FAM76A: variants seen among roughly 807,000 people sequenced by gnomAD.
The protein encoded by FAM76A is protein FAM76A.
In FAM76A, 32 loss-of-function variants were observed where a neutral mutation model predicts 46.2. The observed-to-expected ratio is 0.69, with a 90% CI of 0.52 to 0.93. The LOEUF (loss-of-function observed/expected upper bound fraction) is 0.93, where lower values mean the gene tolerates loss of function less well. FAM76A is among the 40% of genes least tolerant of loss of function. The pLI is 0.00. For synonymous variants in FAM76A, 137 were observed against 127.0 expected (o/e 1.08, Z -0.53); for missense variants, 274 against 361.5 (o/e 0.76, Z 1.96).
intron 4 of FAM76A, among the ~76,000 whole-genome samples, chr1:27,736,472 G>C (rs2088047688): frequency 6.6e-6 from 1 of 152,222 alleles, no homozygotes; most frequent in Admixed American, 6.5e-5. Context: ...AGATCTTAGT[G>C]CTGTTACAAA....
chr1:27,736,734 C>T (rs2088051934), intron 4 of FAM76A, among the ~76,000 whole-genome samples: 2 of 150,712 alleles, frequency 1.3e-5, no homozygotes, highest in Admixed American at 6.6e-5. Flanking sequence ...ATTACAGGTG[C>T]ACGCCACCAC....
At chr1:27,733,754 C>T (rs1168139255) in intron 3 of FAM76A, among the ~76,000 whole-genome samples, 1 of 152,036 alleles carries the variant, frequency 6.6e-6, no homozygotes, top group Non-Finnish European at 1.5e-5. Context: ...GAGGCTGAGG[C>T]AGGAAGAATT....
At position 27,737,277 on chromosome 1, in the gene FAM76A, A is replaced by G. The variant is rs13376001; in HGVS notation, c.354+3094A>G. Among the ~76,000 whole-genome samples the G allele has an allele frequency of 5.4e-3, 819 of 152,226 alleles. 7 individuals carry two copies. The highest frequency in any genetic ancestry group is 0.019 in the African/African-American group (791 of 41,560). On this transcript the variant is annotated intron_variant, in intron 4 of 8. Transcript: ENST00000373954. ...TCTTTTATTTCTAAAGTTTATTTTT[A>G]AGAGACAGATCTGAAAAAAATGTCT...
At chr1:27,744,624 C>T (rs755415971) in intron 4 of FAM76A, 30 bp from the exon 5 acceptor site, 4 of 1,611,022 alleles carry the variant, frequency 2.5e-6, no homozygotes, top group Admixed American at 3.3e-5. Context: ...TAAATTCCCT[C>T]TTCTTTATCT....
intron 4 of FAM76A, among the ~76,000 whole-genome samples, chr1:27,736,728 C>G (rs986212357): frequency 6.6e-6 from 1 of 151,960 alleles, no homozygotes; most frequent in Non-Finnish European, 1.5e-5. Flanking sequence ...GCTGGGATTA[C>G]AGGTGCACGC....
chr1:27,739,944 A>C, intron 4 of FAM76A: 1 of 240,090 alleles, frequency 4.2e-6, no homozygotes. Context: ...TACCCTTGGG[A>C]GCCAGTGCTA....
chr1:27,741,193 ATTTTT>A (rs767134759), intron 4 of FAM76A, among the ~76,000 whole-genome samples: 1 of 116,516 alleles, frequency 8.6e-6, no homozygotes. Flanking sequence ...GGGAGATTTG[ATTTTT>A]TTTTTTTTTT....
chr1:27,738,991 A>T (rs1277345252), intron 4 of FAM76A: 3 of 171,358 alleles, frequency 1.8e-5, no homozygotes, highest in African/African-American at 7.2e-5. Flanking sequence ...AGATGGAGTG[A>T]ACCTGGGGAA....
chr1:27,739,076 G>C (rs557505657), intron 4 of FAM76A: 3 of 274,586 alleles, frequency 1.1e-5, no homozygotes, highest in Non-Finnish European at 2.1e-5. Context: ...GCACACTGCA[G>C]ATAGCCCACT....
intron 7 of FAM76A, among the ~76,000 whole-genome samples, chr1:27,755,993 C>T (rs2088403683): frequency 6.6e-6 from 1 of 152,216 alleles, no homozygotes; most frequent in African/African-American, 2.4e-5. Context: ...CATGAGCTAC[C>T]TGGAGAGGCT....
intron 6 of FAM76A, among the ~76,000 whole-genome samples, chr1:27,751,167 A>G (rs1319011086): frequency 6.6e-6 from 1 of 152,160 alleles, no homozygotes; most frequent in Non-Finnish European, 1.5e-5. Flanking sequence ...GGTAGGGGAG[A>G]TAACTTTTTC....
At chr1:27,736,624 A>G (rs774134176) in intron 4 of FAM76A, among the ~76,000 whole-genome samples, 21 of 152,058 alleles carry the variant, frequency 1.4e-4, no homozygotes, top group Non-Finnish European at 2.6e-4. Flanking sequence ...GTCTCAGTCT[A>G]TCACCCAGGC....
chr1:27,730,342 G>T (rs531166527), intron 2 of FAM76A: 10 of 153,122 alleles, frequency 6.5e-5, no homozygotes, highest in African/African-American at 2.4e-4. Flanking sequence ...ATGTACCACC[G>T]CGCCCAACTA....
At chr1:27,751,800 CT>C (rs920841771) in intron 6 of FAM76A, among the ~76,000 whole-genome samples, 2 of 150,904 alleles carry the variant, frequency 1.3e-5, no homozygotes, top group African/African-American at 4.9e-5. Context: ...CTATGCCTGG[CT>C]TTTTTTGTTT....
intron 4 of FAM76A, chr1:27,740,531 G>GTTGTTAT: frequency 7.4e-7 from 1 of 1,353,096 alleles, no homozygotes; most frequent in South Asian, 1.2e-5. Context: ...GATTATGTCT[G>GTTGTTAT]GAAGCGTTGT....
chr1:27,726,442 C>G (rs573711305), intron 1 of FAM76A, among the ~76,000 whole-genome samples: 1 of 152,268 alleles, frequency 6.6e-6, no homozygotes, highest in African/African-American at 2.4e-5. Context: ...CCTGCTTGCC[C>G]TGACTGGTCG....
chr1:27,727,718 A>C (rs1180622986), intron 2 of FAM76A, among the ~76,000 whole-genome samples, 182 bp downstream of exon 2: 1 of 151,914 alleles, frequency 6.6e-6, no homozygotes, highest in Non-Finnish European at 1.5e-5. Context: ...ATCTTGAGTT[A>C]ATTCATGTGT....
chr1:27,753,085 A>C (rs1473736391), intron 6 of FAM76A, among the ~76,000 whole-genome samples: 1 of 152,138 alleles, frequency 6.6e-6, no homozygotes, highest in Non-Finnish European at 1.5e-5. Context: ...ACTTGAACCC[A>C]GGAGGCAGAG....
intron 4 of FAM76A, among the ~76,000 whole-genome samples, chr1:27,734,472 G>A (rs1177207874): frequency 3.3e-5 from 5 of 152,072 alleles, no homozygotes; most frequent in East Asian, 1.9e-4. Flanking sequence ...ACTTGAACCC[G>A]GGAGGCAGAG....
Sources: allele counts gnomAD v4.1 joint callset (sites outside exome capture counted in the v4.1 genomes callset), GRCh38; gene constraint gnomAD v4.1.1; transcripts MANE v1.5; gene names NCBI Gene and HGNC (gene_info 2026-07-23, HGNC 2026-07-21).